Variants in CCDC50 observed in about 807,000 individuals in gnomAD.
CCDC50 encodes coiled-coil domain containing 50, also known as coiled-coil domain-containing protein 50.
A neutral mutation model predicts 70.2 loss-of-function variants in CCDC50; 54 were observed. The observed-to-expected ratio is 0.77, with a 90% CI of 0.62 to 0.96. The LOEUF is 0.96. Ranked by LOEUF, CCDC50 falls within the 50% of genes least tolerant of loss-of-function variation. The probability of loss-of-function intolerance (pLI) is 0.00; values close to 1 mark genes in which losing one functional copy is unlikely to be tolerated. For missense variants in CCDC50, 558 were observed against 578.7 expected, an observed-to-expected ratio of 0.96 and a Z score of 0.37; for synonymous variants, 216 against 198.8, an observed-to-expected ratio of 1.09 and a Z score of -0.73.
In CCDC50 at chr3:191,375,186, G is replaced by C; in HGVS notation, c.573G>C (p.Leu191Phe). Residue 191 changes from leucine (L) to phenylalanine (F), a missense_variant, in exon 6 of 12, where the codon TTG (leucine) becomes TTC (phenylalanine). By Grantham distance (22) the Leu-to-Phe change is conservative (BLOSUM62 0). Coordinates refer to ENST00000392455, the MANE Select transcript of CCDC50 (RefSeq NM_178335.3). Reference protein sequence around the residue: ...KEKPEHPLENLEEPEQHCSSK... With the variant: ...KEKPEHPLENFEEPEQHCSSK... ...AACCAGAACATCCACTGGAGAACTT[G>C]GAAGAGCCAGAACAACATTGTTCAT... 1 of 1,613,768 alleles carries C rather than the reference G, an allele frequency of 6.2e-7. No individual in the cohort carries two copies. Among genetic ancestry groups the C allele is most frequent in the Non-Finnish European group, 8.5e-7 (1 of 1,179,802 alleles).
At chr3:191,387,694 A>G (rs987746874) in intron 10 of CCDC50, among the ~76,000 whole-genome samples, 1 of 152,230 alleles carries the variant, frequency 6.6e-6, no homozygotes, top group African/African-American at 2.4e-5. Flanking sequence ...TTATCCTTAC[A>G]TGGACATGCT....
Position 191,393,692 on chromosome 3 carries a change from C to T in CCDC50, c.*1932C>T, listed in dbSNP as rs534950087. ...TGTGATAAAATGGGTAAAGAAAAAC[C>T]TCCATTTAAATAAGGAAGGGGAGAC... On this transcript the variant is annotated 3_prime_UTR_variant, in exon 12 of 12. Transcript: ENST00000392455. 3.3e-5 allele frequency: 5 copies of T among 152,100 alleles called. No individual in the cohort carries two copies. The highest frequency in any genetic ancestry group is 4.2e-4 in the South Asian group (2 of 4,814). 9.4% of individuals were successfully genotyped at this position (152,100 alleles called of 1,614,324 possible).
At chr3:191,390,935 C>T (rs993174301) in intron 11 of CCDC50, among the ~76,000 whole-genome samples, 1 of 152,100 alleles carries the variant, frequency 6.6e-6, no homozygotes. Context: ...CAAGGATCTG[C>T]GTTCACTTAT....
intron 10 of CCDC50, among the ~76,000 whole-genome samples, chr3:191,388,986 A>G (rs1404432651): frequency 1.3e-5 from 2 of 151,510 alleles, no homozygotes; most frequent in Non-Finnish European, 2.9e-5. Flanking sequence ...GAATTTGCAA[A>G]TGTATTAAGA....
chr3:191,368,048 T>A (rs2108657225), intron 4 of CCDC50, among the ~76,000 whole-genome samples: 1 of 152,172 alleles, frequency 6.6e-6, no homozygotes, highest in Non-Finnish European at 1.5e-5. Context: ...CAAAGACATT[T>A]GGCTTTTTTT....
chr3:191,375,378 G>A lies in CCDC50; in HGVS notation c.765G>A (p.Glu255=), dbSNP rs867246849. The change falls in exon 6 of 12, where the codon GAG becomes GAA. Residue 255 remains glutamate, a synonymous_variant. Transcript: ENST00000392455. ...VFLSTECDDW[E]TKINHQTRNW... ...TGAGCACTGAATGTGATGACTGGGA[G>A]ACTAAGATTAACCATCAGACTCGAA... The A allele has an allele frequency of 6.2e-7, 1 of 1,613,712 alleles. No homozygotes were observed. The highest frequency in any genetic ancestry group is 8.5e-7 in the Non-Finnish European group (1 of 1,179,826).
intron 1 of CCDC50, among the ~76,000 whole-genome samples, chr3:191,344,461 T>C (rs943487643): frequency 2.6e-5 from 4 of 152,238 alleles, no homozygotes; most frequent in African/African-American, 9.6e-5. Flanking sequence ...TACATATGAT[T>C]GGCGGCTACC....
intron 4 of CCDC50, among the ~76,000 whole-genome samples, chr3:191,365,810 T>C (rs1712666870): frequency 1.3e-5 from 2 of 152,208 alleles, no homozygotes; most frequent in South Asian, 4.1e-4. Flanking sequence ...CTATCCCTTA[T>C]ACATTTATAT....
At chr3:191,331,583 AT>A (rs528691578) in intron 1 of CCDC50, among the ~76,000 whole-genome samples, 35 of 152,168 alleles carry the variant, frequency 2.3e-4, no homozygotes, top group Non-Finnish European at 4.7e-4. Context: ...TTAAATATTA[AT>A]TTTGAAGGTG....
intron 4 of CCDC50, among the ~76,000 whole-genome samples, chr3:191,366,440 A>G (rs1004257443): frequency 1.3e-5 from 2 of 152,160 alleles, no homozygotes; most frequent in African/African-American, 4.8e-5. Flanking sequence ...TCCCATTTCA[A>G]TTAATGTATT....
At chr3:191,339,468 G>A (rs1027483664) in intron 1 of CCDC50, among the ~76,000 whole-genome samples, 2 of 152,146 alleles carry the variant, frequency 1.3e-5, no homozygotes, top group African/African-American at 4.8e-5. Flanking sequence ...CCTGTTCCTA[G>A]ATACAGGCTG....
rs778688183 is a variant in CCDC50, at chr3:191,395,922, A to G, written c.*4162A>G. Reference sequence around the variant, plus strand: ...ATACTTTTTTTCTTTTTAGCCCATGATAAGTAATATGGGCAGGTAGAAGCA... The same window carrying G: ...ATACTTTTTTTCTTTTTAGCCCATGGTAAGTAATATGGGCAGGTAGAAGCA... On this transcript the variant is annotated 3_prime_UTR_variant, in exon 12 of 12. Transcript: ENST00000392455. 17 of 152,150 alleles carry G rather than the reference A, an allele frequency of 1.1e-4. No homozygotes were observed. The highest frequency in any genetic ancestry group is 1.9e-4 in the Non-Finnish European group (13 of 68,016). The allele number at this position is 152,150 out of a possible 1,614,324, so 9.4% of individuals were successfully genotyped here. A position where few individuals can be genotyped will look rare whatever the true frequency, so the allele number is the denominator to read the frequency against.
chr3:191,367,589 A>G (rs968568162), intron 4 of CCDC50, among the ~76,000 whole-genome samples: 2 of 152,178 alleles, frequency 1.3e-5, no homozygotes, highest in East Asian at 1.9e-4. Flanking sequence ...TACAATGGAA[A>G]GTCTGAACTA....
intron 1 of CCDC50, chr3:191,330,439 C>T (rs1007301443): frequency 6.6e-6 from 1 of 152,246 alleles, no homozygotes; most frequent in Non-Finnish European, 1.5e-5. Flanking sequence ...AGCAAGTAGC[C>T]TTTTGACTTC....
rs572378113 is a variant in CCDC50, at chr3:191,375,562, G to A, written c.949G>A (p.Glu317Lys). The A allele has an allele frequency of 2.7e-5, 44 of 1,613,304 alleles. 1 individual carries two copies. In the South Asian group the frequency reaches 4.8e-4, roughly 18 times the overall value. ...CAGGACTCCTCCATTCTCAGAGAGT[G>A]AGGAGCAGCTCCACCTCCATGACGC... is the stretch of plus-strand genomic sequence containing the variant. ...RPRTPPFSESEEQLHLHDAGM... is the reference protein window; with the variant it reads ...RPRTPPFSESKEQLHLHDAGM... Residue 317 changes from glutamate (E) to lysine (K), a missense_variant, in exon 6 of 12, where the codon GAG becomes AAG. Coordinates refer to ENST00000392455, the MANE Select transcript of CCDC50 (RefSeq NM_178335.3).
chr3:191,389,501 C>T lies in CCDC50; in HGVS notation c.1328C>T (p.Pro443Leu). ...AAATTCTGGATTCCTTTTAGGCCAC[C>T]ACCACCTATCATGACAGATGGTGAA... ...HSKNERPARP[P>L]PPIMTDGEDA... The change falls in exon 11 of 12, where the codon CCA becomes CTA. Residue 443 changes from proline to leucine, a missense_variant. Transcript: ENST00000392455. 6.2e-7 allele frequency: 1 copy of T among 1,613,726 alleles called. No homozygotes were observed. Among genetic ancestry groups the T allele is most frequent in the Non-Finnish European group, 8.5e-7 (1 of 1,179,652 alleles).
At chr3:191,384,281 T>C (rs1011535162) in intron 10 of CCDC50, among the ~76,000 whole-genome samples, 3 of 152,134 alleles carry the variant, frequency 2.0e-5, no homozygotes, top group African/African-American at 7.2e-5. Context: ...TTTAGCAGGA[T>C]TGTATATATG....
intron 1 of CCDC50, among the ~76,000 whole-genome samples, chr3:191,353,886 G>A (rs1712185879): frequency 6.6e-6 from 1 of 152,032 alleles, no homozygotes. Flanking sequence ...TTCTAGCTCA[G>A]GCCCTCCTCA....
chr3:191,358,185 C>G (rs936602782), intron 3 of CCDC50, 61 bp downstream of exon 3: 1 of 1,604,318 alleles, frequency 6.2e-7, no homozygotes, highest in African/African-American at 1.3e-5. Context: ...GAGCTAGCAA[C>G]CAGGGCAGGG....
Sources: gnomAD v4.1 joint callset for allele counts (sites outside exome capture counted in the v4.1 genomes callset) on GRCh38, gnomAD v4.1.1 for gene constraint, MANE v1.5 for transcripts, NCBI Gene and HGNC (gene_info 2026-07-23, HGNC 2026-07-21) for gene names.